Variants in DENND1B observed in about 807,000 individuals in gnomAD.
The protein encoded by DENND1B is DENN domain-containing protein 1B.
In DENND1B, 59 loss-of-function variants were observed where a neutral mutation model predicts 90.1. The ratio of observed to expected loss-of-function variants is 0.65; its 90% CI spans 0.53 to 0.81. DENND1B has a LOEUF of 0.81. DENND1B is among the 40% of genes least tolerant of loss of function. The probability of loss-of-function intolerance (pLI) is 0.00; values close to 1 mark genes in which losing one functional copy is unlikely to be tolerated. For missense variants in DENND1B, 862 were observed against 912.6 expected (o/e 0.94, Z 0.71); for synonymous variants, 337 against 324.6 (o/e 1.04, Z -0.41).
intron 5 of DENND1B, among the ~76,000 whole-genome samples, chr1:197,670,093 C>A (rs190076337): frequency 8.3e-6 from 1 of 121,086 alleles, no homozygotes. Context: ...TTATATTATT[C>A]TTTCAGTCGA....
At chr1:197,516,621 A>G (rs989362189) in intron 20 of DENND1B, among the ~76,000 whole-genome samples, 1 of 151,734 alleles carries the variant, frequency 6.6e-6, no homozygotes, top group Non-Finnish European at 1.5e-5. Context: ...AACACAGGGA[A>G]AAAAGGCCTG....
At chr1:197,615,202 CTAAA>C in intron 11 of DENND1B, among the ~76,000 whole-genome samples, 1 of 151,218 alleles carries the variant, frequency 6.6e-6, no homozygotes, top group East Asian at 2.0e-4. Context: ...ATGGCATAAA[CTAAA>C]TCTTATTCAT....
rs533807734 is a variant in DENND1B, at chr1:197,510,661, C to T, written c.2127G>A (p.Gln709=). 22 of 1,612,800 alleles carry T rather than the reference C, an allele frequency of 1.4e-5. No homozygotes were observed. In the East Asian group the frequency reaches 4.0e-4, roughly 29 times the overall value. The part of the protein sequence containing the change: ...GKTEKRETLS[Q]ISDDLLIPGL... ...CGGGTATAAGCAGATCATCTGAAATCTGGCTTAGTGTTTCCCTCTTTTCTG... is the reference window on the plus strand; with the variant it reads ...CGGGTATAAGCAGATCATCTGAAATTTGGCTTAGTGTTTCCCTCTTTTCTG... The change falls in exon 23 of 23, where the codon CAG becomes CAA. Residue 709 remains glutamine (Q), a synonymous_variant. Transcript: ENST00000620048.
At chr1:197,544,804 AGAAGAAGAGGAAGAGGAG>A (rs754253421) in intron 18 of DENND1B, among the ~76,000 whole-genome samples, 26 of 128,362 alleles carry the variant, frequency 2.0e-4, no homozygotes, top group East Asian at 1.3e-3. Context: ...AGGAGGAAGA[AGAAGAAGAGGAAGAGGAG>A]GAAGAAGAGG....
At chr1:197,690,920 T>C (rs574792067) in intron 3 of DENND1B, among the ~76,000 whole-genome samples, 1 of 151,652 alleles carries the variant, frequency 6.6e-6, no homozygotes, top group Non-Finnish European at 1.5e-5. Flanking sequence ...CATTAAAATA[T>C]ATTTTAATGA....
At chr1:197,641,030 C>T (rs1680227429) in intron 10 of DENND1B, among the ~76,000 whole-genome samples, 1 of 152,160 alleles carries the variant, frequency 6.6e-6, no homozygotes, top group Non-Finnish European at 1.5e-5. Flanking sequence ...CCCTGTAAAC[C>T]CACTCACTTT....
intron 2 of DENND1B, among the ~76,000 whole-genome samples, chr1:197,745,847 T>C (rs1435600477): frequency 3.9e-5 from 6 of 151,956 alleles, no homozygotes; most frequent in Non-Finnish European, 7.4e-5. Flanking sequence ...ATTCTGCCCC[T>C]TTCTTTATTG....
rs78848082 is a variant in DENND1B, at chr1:197,552,918, G to A, written c.1240+104C>T. 1,576 of 1,521,064 alleles carry A rather than the reference G, an allele frequency of 1.0e-3. 20 individuals carry two copies. In the African/African-American group the frequency reaches 0.021, roughly 20 times the overall value. 94.2% of individuals were successfully genotyped at this position (1,521,064 alleles called of 1,614,324 possible). ...ATTTAAGACATTACATATTTAGGAG[G>A]AAATCATTAGTTGTTTATGAAATAG... On this transcript the variant is annotated intron_variant, in intron 16 of 22. Coordinates refer to ENST00000620048, the MANE Select transcript of DENND1B (RefSeq NM_001195215.2).
intron 10 of DENND1B, among the ~76,000 whole-genome samples, chr1:197,622,408 A>T (rs529222512): frequency 1.3e-5 from 2 of 151,530 alleles, no homozygotes; most frequent in East Asian, 3.9e-4. Flanking sequence ...CTAGATCCAA[A>T]GTATAGTAAC....
chr1:197,540,618 C>G (rs77869518), intron 19 of DENND1B, among the ~76,000 whole-genome samples: 2,885 of 152,186 alleles, frequency 0.019, 90 homozygotes, highest in African/African-American at 0.064. Flanking sequence ...TGGGTTACTT[C>G]TACACAAAAG....
intron 2 of DENND1B, among the ~76,000 whole-genome samples, chr1:197,772,012 C>T (rs138570629): frequency 8.2e-4 from 125 of 152,214 alleles, no homozygotes; most frequent in African/African-American, 2.4e-3. Context: ...GGAAATTGTA[C>T]GGAACTGACA....
At chr1:197,715,185 A>C (rs772887277) in intron 2 of DENND1B, 111 bp from the exon 3 acceptor site, 2 of 747,784 alleles carry the variant, frequency 2.7e-6, no homozygotes, top group Non-Finnish European at 4.2e-6. Flanking sequence ...TACAACATTT[A>C]AATTTTTCTT....
intron 6 of DENND1B, among the ~76,000 whole-genome samples, chr1:197,657,890 G>A (rs981132475): frequency 6.6e-6 from 1 of 152,090 alleles, no homozygotes; most frequent in Non-Finnish European, 1.5e-5. Context: ...GAACAAACTG[G>A]GGTGTATTGA....
At chr1:197,713,814 TATATA>T (rs1558432958) in intron 3 of DENND1B, among the ~76,000 whole-genome samples, 37 of 51,704 alleles carry the variant, frequency 7.2e-4, no homozygotes, top group African/African-American at 2.6e-3. Flanking sequence ...TAATATATTA[TATATA>T]ATATATTATA....
intron 2 of DENND1B, among the ~76,000 whole-genome samples, chr1:197,771,889 T>C (rs1031699204): frequency 2.0e-5 from 3 of 152,194 alleles, no homozygotes; most frequent in Non-Finnish European, 2.9e-5. Flanking sequence ...AATTCCTTAT[T>C]CTTGTCTGCT....
chr1:197,606,746 C>T (rs909789498), intron 13 of DENND1B: 15 of 187,830 alleles, frequency 8.0e-5, no homozygotes, highest in South Asian at 2.6e-4. Flanking sequence ...CAAGACATGC[C>T]ACTAGGCAGA....
At chr1:197,520,135 C>T (rs1322729616) in intron 20 of DENND1B, among the ~76,000 whole-genome samples, 1 of 151,876 alleles carries the variant, frequency 6.6e-6, no homozygotes, top group African/African-American at 2.4e-5. Flanking sequence ...GCTGCTACTG[C>T]GTATTCCCTG....
chr1:197,739,066 G>A lies in DENND1B; in HGVS notation c.83-23992C>T, dbSNP rs189774578. On this transcript the variant is annotated intron_variant, in intron 2 of 22. Transcript: ENST00000620048. ...CAAGACTTTAGTGCTGATGATCAGT[G>A]CACACATATGAGGAAACTACCAGAC... 1.3e-3 allele frequency among the ~76,000 whole-genome samples: 191 copies of A among 152,284 alleles called. 1 individual carries two copies. Among genetic ancestry groups the A allele is most frequent in the African/African-American group, 4.4e-3 (184 of 41,566 alleles).
intron 12 of DENND1B, among the ~76,000 whole-genome samples, chr1:197,607,385 T>C (rs1328092494): frequency 6.6e-6 from 1 of 150,910 alleles, no homozygotes; most frequent in Non-Finnish European, 1.5e-5. Flanking sequence ...ATGCTTAAAA[T>C]TGAATATTTC....
Sources: allele counts gnomAD v4.1 joint callset (sites outside exome capture counted in the v4.1 genomes callset), GRCh38; gene constraint gnomAD v4.1.1; transcripts MANE v1.5; gene names NCBI Gene and HGNC (gene_info 2026-07-23, HGNC 2026-07-21).